The following IL1R1 variants were observed in gnomAD, a reference collection of about 807,000 sequenced individuals.
IL1R1 encodes the protein interleukin 1 receptor type 1.
A neutral mutation model predicts 50.2 loss-of-function variants in IL1R1; 22 were observed. The observed-to-expected ratio is 0.44, with a 90% CI of 0.31 to 0.63. IL1R1 has a LOEUF of 0.63. IL1R1 is among the 20% of genes least tolerant of loss of function. The pLI, the probability that IL1R1 is intolerant of heterozygous loss-of-function variation, is 0.07. For missense variants in IL1R1, 509 were observed against 676.2 expected, an observed-to-expected ratio of 0.75 and a Z score of 2.74; for synonymous variants, 251 against 236.7, an observed-to-expected ratio of 1.06 and a Z score of -0.55.
chr2:102,117,901 T>C (rs1314562266), intron 1 of IL1R1, among the ~76,000 whole-genome samples: 1 of 150,836 alleles, frequency 6.6e-6, no homozygotes, highest in Non-Finnish European at 1.5e-5. Context: ...TGGTAAAGAA[T>C]ATGTTTGTAA....
At chr2:102,073,577 A>C (rs1314776455) in intron 1 of IL1R1, among the ~76,000 whole-genome samples, 3 of 152,184 alleles carry the variant, frequency 2.0e-5, no homozygotes, top group Admixed American at 2.0e-4. Context: ...TGCCTCTTCC[A>C]CTGCCTTAGT....
intron 1 of IL1R1, among the ~76,000 whole-genome samples, chr2:102,091,386 A>G (rs970956018): frequency 2.6e-5 from 4 of 152,186 alleles, no homozygotes; most frequent in African/African-American, 7.2e-5. Flanking sequence ...TTATCCTTTG[A>G]AAGCTGATTT....
chr2:102,118,549 G>A (rs938184574), intron 1 of IL1R1, among the ~76,000 whole-genome samples: 1 of 152,118 alleles, frequency 6.6e-6, no homozygotes, highest in East Asian at 1.9e-4. Context: ...ATCTGAAATG[G>A]GGGGCAGTCT....
chr2:102,104,597 C>T (rs553462674), exon 1 of IL1R1: 1 of 152,170 alleles, frequency 6.6e-6, no homozygotes, highest in South Asian at 2.1e-4. Context: ...GAGGCTGTGA[C>T]ACAGCCATCT....
At chr2:102,108,906 G>T (rs1489965615) in intron 1 of IL1R1, among the ~76,000 whole-genome samples, 1 of 150,524 alleles carries the variant, frequency 6.6e-6, no homozygotes, top group Admixed American at 6.6e-5. Flanking sequence ...CAAAAATCAG[G>T]ACCAAACTGA....
At chr2:102,126,098 C>T (rs1438344293) in intron 1 of IL1R1, among the ~76,000 whole-genome samples, 1 of 152,102 alleles carries the variant, frequency 6.6e-6, no homozygotes, top group Non-Finnish European at 1.5e-5. Flanking sequence ...CATAATATCC[C>T]CTAAGTGAAA....
In IL1R1 at chr2:102,166,095, C is replaced by G. The variant is rs923813352; in HGVS notation, c.487-18C>G. 6.2e-7 allele frequency: 1 copy of G among 1,602,334 alleles called. No homozygotes were observed. Among genetic ancestry groups the G allele is most frequent in the South Asian group, 1.1e-5 (1 of 90,022 alleles). Reference sequence around the variant, plus strand: ...TATTGGTTATTGGTTTTCAATGCTTCTCTCTCCCTTTATCTAGGATTGCAA... The same window carrying G: ...TATTGGTTATTGGTTTTCAATGCTTGTCTCTCCCTTTATCTAGGATTGCAA... On this transcript the variant is annotated intron_variant, in intron 5 of 11. Transcript: ENST00000410023.
At chr2:102,163,340 C>T (rs1443743966) in intron 3 of IL1R1, among the ~76,000 whole-genome samples, 3 of 152,136 alleles carry the variant, frequency 2.0e-5, no homozygotes, top group African/African-American at 7.2e-5. Context: ...TTTTCTTCTT[C>T]AGTGATTCAT....
chr2:102,080,527 C>A (rs1455600900), intron 1 of IL1R1, among the ~76,000 whole-genome samples: 2 of 152,150 alleles, frequency 1.3e-5, no homozygotes, highest in African/African-American at 4.8e-5. Context: ...ACTAAGATGC[C>A]ATCCACTAGA....
chr2:102,112,310 A>ATGTG (rs1680810171), intron 1 of IL1R1, among the ~76,000 whole-genome samples: 2 of 65,582 alleles, frequency 3.0e-5, no homozygotes, highest in African/African-American at 1.4e-4. Context: ...GTGGGGATTA[A>ATGTG]CGTGTGTGTG....
intron 1 of IL1R1, among the ~76,000 whole-genome samples, chr2:102,125,774 G>T (rs568010283): frequency 6.6e-6 from 1 of 152,182 alleles, no homozygotes; most frequent in African/African-American, 2.4e-5. Flanking sequence ...TGAGGAATGC[G>T]AAGAGGGTCT....
Position 102,176,601 on chromosome 2 carries a change from G to A in IL1R1, c.1552G>A (p.Asp518Asn). Residue 518 changes from aspartate (D) to asparagine (N), a missense_variant, in exon 12 of 12, where the codon GAC (aspartate) becomes AAC (asparagine). Transcript: ENST00000410023. ...QKHGAIRWSG[D>N]FTQGPQSAKT... ...ACATGGGGCTATCCGCTGGTCAGGG[G>A]ACTTTACACAGGGACCACAGTCTGC... The A allele has an allele frequency of 6.2e-7, 1 of 1,614,168 alleles. No homozygotes were observed. Among genetic ancestry groups the A allele is most frequent in the Non-Finnish European group, 8.5e-7 (1 of 1,180,032 alleles).
chr2:102,082,925 C>T (rs548972396), intron 1 of IL1R1, among the ~76,000 whole-genome samples: 1 of 152,270 alleles, frequency 6.6e-6, no homozygotes, highest in South Asian at 2.1e-4. Context: ...GAACAACTTC[C>T]TCTCAGGGAC....
At chr2:102,084,995 C>A (rs1333581192) in intron 1 of IL1R1, among the ~76,000 whole-genome samples, 1 of 152,196 alleles carries the variant, frequency 6.6e-6, no homozygotes, top group Non-Finnish European at 1.5e-5. Context: ...CAGTTGAACA[C>A]TTTTTCAAAT....
At chr2:102,135,000 A>T (rs1291205456) in intron 1 of IL1R1, among the ~76,000 whole-genome samples, 1 of 152,220 alleles carries the variant, frequency 6.6e-6, no homozygotes, top group Non-Finnish European at 1.5e-5. Context: ...ATTTACAAGC[A>T]CACAGCTAAT....
chr2:102,080,348 C>T (rs1679152435), intron 1 of IL1R1, among the ~76,000 whole-genome samples: 1 of 152,030 alleles, frequency 6.6e-6, no homozygotes, highest in Non-Finnish European at 1.5e-5. Context: ...GAACTTGTAT[C>T]CATAATATGC....
Position 102,172,674 on chromosome 2 carries a change from C to G in IL1R1, c.840-13C>G, listed in dbSNP as rs367774103. Reference sequence around the variant, plus strand: ...TAACTTACACAAGTTTATTTACTCTCTCTCTCGAATAGTGTGGAAAATCCT... The same window carrying G: ...TAACTTACACAAGTTTATTTACTCTGTCTCTCGAATAGTGTGGAAAATCCT... On this transcript the variant is annotated splice_polypyrimidine_tract_variant and intron_variant, in intron 8 of 11. Transcript: ENST00000410023. 3 of 1,587,546 alleles carry G rather than the reference C, an allele frequency of 1.9e-6. No individual in the cohort carries two copies. The highest frequency in any genetic ancestry group is 2.6e-6 in the Non-Finnish European group (3 of 1,165,068).
intron 1 of IL1R1, among the ~76,000 whole-genome samples, 181 bp from the exon 2 acceptor site, chr2:102,153,759 TC>T (rs1683912066): frequency 6.6e-6 from 1 of 152,214 alleles, no homozygotes; most frequent in Non-Finnish European, 1.5e-5. Flanking sequence ...TCCTGAGGCT[TC>T]CCCAGCCATG....
chr2:102,165,333 C>G (rs201791062), intron 5 of IL1R1, 29 bp downstream of exon 5: 7 of 1,282,380 alleles, frequency 5.5e-6, no homozygotes, highest in African/African-American at 1.5e-5. Flanking sequence ...TGACATTTCA[C>G]TTTTCCAGAA....
Sources: allele counts gnomAD v4.1 joint callset (sites outside exome capture counted in the v4.1 genomes callset), GRCh38; gene constraint gnomAD v4.1.1; transcripts MANE v1.5; gene names NCBI Gene and HGNC (gene_info 2026-07-23, HGNC 2026-07-21).